Variants in PCNX4 observed in about 807,000 individuals in gnomAD.
PCNX4 encodes the protein pecanex 4, also known as pecanex-like protein 4.
In PCNX4, 103 loss-of-function variants were observed where a neutral mutation model predicts 107.2. The observed-to-expected ratio is 0.96, with a 90% CI of 0.82 to 1.13. PCNX4 has a LOEUF of 1.13. PCNX4 is among the 50% of genes most tolerant of loss of function. The pLI is 0.00. For synonymous variants in PCNX4, 541 were observed against 481.7 expected (o/e 1.12, Z -1.61); for missense variants, 1,528 against 1,379.4 (o/e 1.11, Z -1.71).
chr14:60,130,051 A>G (rs1159310271), intron 10 of PCNX4, among the ~76,000 whole-genome samples: 1 of 152,134 alleles, frequency 6.6e-6, no homozygotes, highest in Admixed American at 6.5e-5. Context: ...AAAGGCAGAG[A>G]TTATCGGATT....
At chr14:60,119,332 C>T (rs569080523) in intron 7 of PCNX4, among the ~76,000 whole-genome samples, 1 of 152,240 alleles carries the variant, frequency 6.6e-6, no homozygotes, top group East Asian at 1.9e-4. Context: ...TATTGTACTT[C>T]TCAAGGTTGG....
At position 60,115,402 on chromosome 14, in the gene PCNX4, T is replaced by C. The variant is rs377742952; in HGVS notation, c.1298T>C (p.Phe433Ser). The C allele has an allele frequency of 5.7e-6, 9 of 1,570,288 alleles. No individual in the cohort carries two copies. The African/African-American group carries it at 8.2e-5, about 14-fold the overall frequency. ...GATGTGCAAACTGTGACTGTATTCT[T>C]TGAGAAGCAAACTAGGCTCATGAAG... Reference protein sequence around the residue: ...PKDVQTVTVFFEKQTRLMKIG... With the variant: ...PKDVQTVTVFSEKQTRLMKIG... The change falls in exon 4 of 11, where the codon TTT becomes TCT. Residue 433 changes from phenylalanine to serine, a missense_variant. By Grantham distance (155) the Phe-to-Ser change is radical. Transcript: ENST00000406854.
chr14:60,096,522 G>T (rs1378327261), intron 1 of PCNX4, among the ~76,000 whole-genome samples: 1 of 152,182 alleles, frequency 6.6e-6, no homozygotes, highest in East Asian at 1.9e-4. Context: ...TGAATTACTC[G>T]TCCTTGTGCC....
Position 60,118,669 on chromosome 14 carries a change from C to A in PCNX4, c.1919C>A (p.Thr640Asn), listed in dbSNP as rs1895899703. ...CCCAGGTTGACTGCTGTACTGCAGA[C>A]TGCAATGGCAGCTGGAAGTTTAGGT... Reference protein sequence around the residue: ...MVPRLTAVLQTAMAAGSLGLL... With the variant: ...MVPRLTAVLQNAMAAGSLGLL... Residue 640 changes from threonine to asparagine, a missense_variant, in exon 7 of 11, where the codon ACT (threonine) becomes AAT (asparagine). By Grantham distance (65) the Thr-to-Asn change is moderately conservative (BLOSUM62 0). Transcript: ENST00000406854. The A allele has an allele frequency of 6.3e-7, 1 of 1,579,492 alleles. No individual in the cohort carries two copies. The highest frequency in any genetic ancestry group is 1.4e-5 in the African/African-American group (1 of 73,820).
chr14:60,103,219 C>A (rs1374731250), intron 1 of PCNX4, among the ~76,000 whole-genome samples: 1 of 152,134 alleles, frequency 6.6e-6, no homozygotes, highest in Non-Finnish European at 1.5e-5. Context: ...GAAACCCAGG[C>A]CAGTGTTTCT....
In PCNX4 at chr14:60,121,185, A is replaced by G. The variant is rs765469530; in HGVS notation, c.1943-11A>G. 2 of 1,346,760 alleles carry G rather than the reference A, an allele frequency of 1.5e-6. No homozygotes were observed. The highest frequency in any genetic ancestry group is 1.9e-6 in the Non-Finnish European group (2 of 1,034,740). The allele number at this position is 1,346,760 out of a possible 1,614,324, so 83.4% of individuals were successfully genotyped here. On this transcript the variant is annotated splice_polypyrimidine_tract_variant and intron_variant, in intron 7 of 10. Coordinates refer to ENST00000406854, the MANE Select transcript of PCNX4 (RefSeq NM_001330177.2). Reference sequence around the variant, plus strand: ...TCTTTTTTTTTTTTTTTTTTTTCTAATTTGTTGTAGGTCTCCTCCTACCTG... The same window carrying G: ...TCTTTTTTTTTTTTTTTTTTTTCTAGTTTGTTGTAGGTCTCCTCCTACCTG...
intron 2 of PCNX4, among the ~76,000 whole-genome samples, chr14:60,113,043 G>C (rs952419755): frequency 3.3e-5 from 5 of 152,092 alleles, no homozygotes; most frequent in African/African-American, 7.2e-5. Context: ...TTAGCTGGGC[G>C]TGGTGGCGTG....
rs777799270 is a variant in PCNX4 at position 60,114,947 on chromosome 14, ATTTTTTTCTTT to A, written c.870-17_870-7del. 4.8e-6 allele frequency: 7 copies of A among 1,458,290 alleles called. No homozygotes were observed. The highest frequency in any genetic ancestry group is 6.3e-6 in the Non-Finnish European group (7 of 1,108,790). The allele number at this position is 1,458,290 out of a possible 1,614,324, so 90.3% of individuals were successfully genotyped here. On this transcript the variant is annotated splice_polypyrimidine_tract_variant and intron_variant, in intron 3 of 10. Coordinates refer to ENST00000406854, the MANE Select transcript of PCNX4 (RefSeq NM_001330177.2). Reference sequence around the variant, plus strand: ...AGAACATTTTTCTTTTCAAGTAAATATTTTTTTCTTTTTTTTTTCTGTACAGGTTATTAGTA... The same window carrying A: ...AGAACATTTTTCTTTTCAAGTAAATATTTTTTTCTGTACAGGTTATTAGTA...
chr14:60,112,352 A>T (rs218064), intron 2 of PCNX4, among the ~76,000 whole-genome samples: 54,840 of 152,004 alleles, frequency 0.36, 12,466 homozygotes, highest in Non-Finnish European at 0.49. Flanking sequence ...TTTTCATCTT[A>T]AAAACTGAGA....
chr14:60,129,790 G>C (rs1267011923), intron 10 of PCNX4, among the ~76,000 whole-genome samples: 1 of 152,130 alleles, frequency 6.6e-6, no homozygotes, highest in Admixed American at 6.6e-5. Flanking sequence ...GCTGAATCTT[G>C]TAAGACAGAG....
At chr14:60,118,740 G>A in intron 7 of PCNX4, 48 bp downstream of exon 7, 2 of 1,469,948 alleles carry the variant, frequency 1.4e-6, no homozygotes, top group South Asian at 1.5e-5. Flanking sequence ...TGTATTTAAA[G>A]TACAAAAAAA....
rs1317607321 is a variant in PCNX4, at chr14:60,146,621, A to G, written c.*12400A>G. On this transcript the variant is annotated 3_prime_UTR_variant, in exon 11 of 11. Transcript: ENST00000406854. The surrounding 1 kb of genome is among the most constrained non-coding windows in gnomAD (Gnocchi z 4.9). ...TAGCATTATTCATAATAGCCAAGAT[A>G]TGGAAACAACCTAAGTGTCCATTAG... 2 of 152,202 alleles carry G rather than the reference A, an allele frequency of 1.3e-5. No individual in the cohort carries two copies. The highest frequency in any genetic ancestry group is 2.9e-5 in the Non-Finnish European group (2 of 68,036). The allele number at this position is 152,202 out of a possible 1,614,324, so 9.4% of individuals were successfully genotyped here.
chr14:60,114,495 G>A (rs1895801245), intron 2 of PCNX4, among the ~76,000 whole-genome samples: 2 of 152,104 alleles, frequency 1.3e-5, no homozygotes, highest in Non-Finnish European at 2.9e-5. Context: ...CAATTGTATA[G>A]GGGTAGTTGC....
chr14:60,132,230 A>G (rs770287008), intron 10 of PCNX4, among the ~76,000 whole-genome samples: 3 of 152,108 alleles, frequency 2.0e-5, no homozygotes, highest in Non-Finnish European at 2.9e-5. Context: ...CCGTATTTAC[A>G]TGGCCTTATT....
chr14:60,125,653 ATGAT>A lies in PCNX4; in HGVS notation c.3102_3105del (p.Asp1035LysfsTer4), dbSNP rs1229123861. On this transcript the variant is annotated frameshift_variant, in exon 10 of 11. Transcript: ENST00000406854. LOFTEE classifies it high-confidence loss of function. ...TTTTTTTAGGTATACTCTGAAACTA[ATGAT>A]TGATAAAGCAAGTTTAGGTCCAATA... 6.5e-7 allele frequency: 1 copy of A among 1,534,156 alleles called. No homozygotes were observed. The highest frequency in any genetic ancestry group is 1.4e-5 in the African/African-American group (1 of 71,842).
At position 60,133,843 on chromosome 14, in the gene PCNX4, T is replaced by G. The variant is rs549023088; in HGVS notation, c.3268-127T>G. 4.4e-6 allele frequency: 4 copies of G among 919,292 alleles called. No homozygotes were observed. In the South Asian group the frequency reaches 7.0e-5, roughly 16 times the overall value. 56.9% of individuals were successfully genotyped at this position (919,292 alleles called of 1,614,324 possible). On this transcript the variant is annotated intron_variant, in intron 10 of 10. Transcript: ENST00000406854. ...GTACATTTTTAAACACTACTTTCTG[T>G]TTTTTGAACTTGGGAAAAGTTTGCC...
At position 60,138,371 on chromosome 14, in the gene PCNX4, T is replaced by TGAA. The variant is rs1896266641; in HGVS notation, c.*4153_*4155dup. On this transcript the variant is annotated 3_prime_UTR_variant, in exon 11 of 11. Coordinates refer to ENST00000406854, the MANE Select transcript of PCNX4 (RefSeq NM_001330177.2). ...GAGAATTCTCCAAGTTTTTAAGACATGAAGACCTGCAAGATCAAAGCATGA... is the reference window on the plus strand; with the variant it reads ...GAGAATTCTCCAAGTTTTTAAGACATGAAGAAGACCTGCAAGATCAAAGCATGA... 6.6e-6 allele frequency: 1 copy of TGAA among 152,096 alleles called. No homozygotes were observed. The highest frequency in any genetic ancestry group is 1.5e-5 in the Non-Finnish European group (1 of 68,022). 9.4% of individuals were successfully genotyped at this position (152,096 alleles called of 1,614,324 possible). A position where few individuals can be genotyped will look rare whatever the true frequency, so the allele number is the denominator to read the frequency against.
chr14:60,114,385 C>G (rs1342372194), intron 2 of PCNX4, among the ~76,000 whole-genome samples: 1 of 152,182 alleles, frequency 6.6e-6, no homozygotes, highest in African/African-American at 2.4e-5. Flanking sequence ...TTTACAAATT[C>G]CTGTATTCAA....
intron 1 of PCNX4, among the ~76,000 whole-genome samples, chr14:60,099,595 A>G (rs569350827): frequency 3.3e-5 from 5 of 152,342 alleles, no homozygotes; most frequent in East Asian, 3.9e-4. Flanking sequence ...CACTGAGCAC[A>G]TTGTAGGTAC....
Sources: allele counts gnomAD v4.1 joint callset (sites outside exome capture counted in the v4.1 genomes callset), GRCh38; gene constraint gnomAD v4.1.1; non-coding constraint Gnocchi (gnomAD v3.1); transcripts MANE v1.5; gene names NCBI Gene and HGNC (gene_info 2026-07-23, HGNC 2026-07-21).